The following KIFC3 variants were observed in gnomAD, a reference collection of about 807,000 sequenced individuals.
KIFC3 encodes the protein kinesin family member C3.
Under a neutral mutation model 101.8 loss-of-function variants are expected in KIFC3, and 60 were observed. The observed-to-expected ratio is 0.59, with a 90% confidence interval of 0.48 to 0.73. The LOEUF is 0.73. Ranked by LOEUF, KIFC3 falls within the 30% of genes least tolerant of loss-of-function variation. The probability of loss-of-function intolerance (pLI) is 0.00; values close to 1 mark genes in which losing one functional copy is unlikely to be tolerated. For synonymous variants in KIFC3, 476 were observed against 482.7 expected, an observed-to-expected ratio of 0.99 and a Z score of 0.18; for missense variants, 966 against 1,137.1, an observed-to-expected ratio of 0.85 and a Z score of 2.16.
Position 57,797,619 on chromosome 16 carries a change from G to A in KIFC3, c.172+453C>T, listed in dbSNP as rs574310419. On this transcript the variant is annotated intron_variant, in intron 2 of 19. Transcript: ENST00000445690. ...CCAGGCCACGTTCCCGAGCAGCCTC[G>A]GTCCACTCCCAACGCCGTCCAGGGG... 4.4e-6 allele frequency: 4 copies of A among 919,000 alleles called. No individual in the cohort carries two copies. In the South Asian group the frequency reaches 1.0e-4, roughly 24 times the overall value. 56.9% of individuals were successfully genotyped at this position (919,000 alleles called of 1,614,324 possible). A position where few individuals can be genotyped will look rare whatever the true frequency, so the allele number is the denominator to read the frequency against.
intron 1 of KIFC3, among the ~76,000 whole-genome samples, chr16:57,830,381 G>A (rs1477819688): frequency 6.6e-6 from 1 of 151,648 alleles, no homozygotes; most frequent in Non-Finnish European, 1.5e-5. Context: ...GAGATTACAG[G>A]CACCCGCCAC....
intron 3 of KIFC3, chr16:57,774,816 T>C: frequency 8.1e-7 from 1 of 1,228,466 alleles, no homozygotes. Flanking sequence ...TGTGAGCCCC[T>C]GCGCCCGGCC....
intron 1 of KIFC3, chr16:57,810,602 G>A: frequency 1.0e-6 from 1 of 952,738 alleles, no homozygotes; most frequent in Non-Finnish European, 1.2e-6. Flanking sequence ...AGGGAGGGGA[G>A]GGACAAACTT....
intron 1 of KIFC3, among the ~76,000 whole-genome samples, chr16:57,822,459 T>C (rs1419022973): frequency 6.6e-6 from 1 of 152,170 alleles, no homozygotes; most frequent in Non-Finnish European, 1.5e-5. Context: ...CCTAACACTT[T>C]GGGAGGCTGA....
chr16:57,788,601 C>A (rs1555618843), intron 3 of KIFC3: 1 of 1,289,214 alleles, frequency 7.8e-7, no homozygotes, highest in Non-Finnish European at 1.0e-6. Flanking sequence ...CATGGTGCCA[C>A]CAGCTTCCCG....
chr16:57,800,820 G>C (rs2911353), intron 1 of KIFC3, among the ~76,000 whole-genome samples: 138,350 of 152,142 alleles, frequency 0.91, 63,523 homozygotes, highest in Middle Eastern at 0.97. Flanking sequence ...AAGAAAGCAG[G>C]ACTCTCTCTC....
chr16:57,788,434 G>T, intron 3 of KIFC3: 3 of 660,374 alleles, frequency 4.5e-6, no homozygotes, highest in Non-Finnish European at 6.5e-6. Flanking sequence ...GATTGCAGCT[G>T]CGGATCAGGC....
intron 16 of KIFC3, 32 bp from the exon 17 acceptor site, chr16:57,760,448 G>A (rs1555595237): frequency 1.2e-6 from 2 of 1,602,752 alleles, no homozygotes; most frequent in Non-Finnish European, 1.7e-6. Context: ...TGCCCACCCG[G>A]GCCAGCTGGA....
chr16:57,797,789 G>T, intron 2 of KIFC3: 12 of 1,344,546 alleles, frequency 8.9e-6, no homozygotes, highest in Non-Finnish European at 1.1e-5. Context: ...TGACCAGCTT[G>T]GCCAGAGGGA....
chr16:57,852,162 A>C (rs559149576), intron 1 of KIFC3, among the ~76,000 whole-genome samples: 1 of 152,068 alleles, frequency 6.6e-6, no homozygotes, highest in East Asian at 1.9e-4. Flanking sequence ...CTGTGAGATT[A>C]TCCTTGGCTT....
intron 3 of KIFC3, among the ~76,000 whole-genome samples, chr16:57,788,903 A>T (rs782067879): frequency 6.6e-6 from 1 of 152,212 alleles, no homozygotes; most frequent in African/African-American, 2.4e-5. Context: ...TCCCACAGCA[A>T]GACAGTGGCA....
chr16:57,802,885 C>T (rs2054832194), upstream of KIFC3: 1 of 1,293,654 alleles, frequency 7.7e-7, no homozygotes, highest in Admixed American at 2.0e-5. The surrounding 1 kb of genome is among the most constrained non-coding windows in gnomAD (Gnocchi z 5.0). Context: ...CGAGTACTCA[C>T]ACATACACTT....
At chr16:57,860,873 G>C (rs1290785183) in intron 1 of KIFC3, among the ~76,000 whole-genome samples, 1 of 151,982 alleles carries the variant, frequency 6.6e-6, no homozygotes, top group Non-Finnish European at 1.5e-5. Context: ...CACCACGCCT[G>C]GCTAATTTTT....
Position 57,802,262 on chromosome 16 carries a change from C to G in KIFC3, c.-40+108G>C, listed in dbSNP as rs1426143813. The G allele has an allele frequency of 1.9e-6, 1 of 537,254 alleles. No homozygotes were observed. The allele number at this position is 537,254 out of a possible 1,614,324, so 33.3% of individuals were successfully genotyped here. On this transcript the variant is annotated intron_variant, in intron 1 of 19. Coordinates refer to ENST00000445690, the MANE Select transcript of KIFC3 (RefSeq NM_001130100.2). This position sits in a 1 kb window ranked among gnomAD's most constrained non-coding sequence, Gnocchi z 5.0. ...TCCCCGCGCCCATAGCGGGTCCGGGCAGAGGGGTCCCGAGGGCAGGGCCGG... is the reference window on the plus strand; with the variant it reads ...TCCCCGCGCCCATAGCGGGTCCGGGGAGAGGGGTCCCGAGGGCAGGGCCGG...
intron 1 of KIFC3, among the ~76,000 whole-genome samples, chr16:57,847,005 T>C (rs2055933868): frequency 6.6e-6 from 1 of 151,790 alleles, no homozygotes; most frequent in African/African-American, 2.4e-5. Context: ...GCCAACAAGG[T>C]GAAACCCCAT....
chr16:57,857,650 G>GA (rs1361962308), intron 1 of KIFC3, among the ~76,000 whole-genome samples: 52 of 151,586 alleles, frequency 3.4e-4, no homozygotes, highest in African/African-American at 1.2e-3. Flanking sequence ...TTCAGTGTTT[G>GA]GTTTTCTGTT....
At position 57,770,578 on chromosome 16, in the gene KIFC3, C is replaced by G; in HGVS notation, c.888G>C (p.Met296Ile). ...GGTGTGAGCTCTGCAGCTGCTGTTC[C>G]ATCTCCTTCAGCACCTGCCTCTGCA... ...VAMQRQVLKE[M>I]EQQLQSSHQL... The change falls in exon 7 of 20, where the codon ATG becomes ATC. Residue 296 changes from methionine to isoleucine, a missense_variant. Transcript: ENST00000445690. 2 of 1,516,438 alleles carry G rather than the reference C, an allele frequency of 1.3e-6. No homozygotes were observed. Among genetic ancestry groups the G allele is most frequent in the Non-Finnish European group, 8.8e-7 (1 of 1,131,524 alleles). The allele number at this position is 1,516,438 out of a possible 1,614,324, so 93.9% of individuals were successfully genotyped here.
At chr16:57,777,294 T>G (rs540824528) in intron 3 of KIFC3, among the ~76,000 whole-genome samples, 1 of 152,354 alleles carries the variant, frequency 6.6e-6, no homozygotes, top group East Asian at 1.9e-4. Flanking sequence ...ACAGATTCAA[T>G]GCAATGCCTA....
intron 1 of KIFC3, among the ~76,000 whole-genome samples, chr16:57,862,224 G>C (rs1002309318): frequency 6.9e-6 from 1 of 145,132 alleles, no homozygotes; most frequent in African/African-American, 2.5e-5. Context: ...TACAGACAGG[G>C]TCTTTCCCAG....
Sources: gnomAD v4.1 joint callset for allele counts (sites outside exome capture counted in the v4.1 genomes callset) on GRCh38, gnomAD v4.1.1 for gene constraint, Gnocchi (gnomAD v3.1) non-coding constraint, MANE v1.5 for transcripts, NCBI Gene and HGNC (gene_info 2026-07-23, HGNC 2026-07-21) for gene names.